Variants in CELSR1 observed in about 807,000 individuals in gnomAD.
CELSR1 encodes adhesion G protein-coupled receptor C1.
CELSR1 carries 110 observed loss-of-function variants against 249.1 expected under a neutral mutation model. That is an observed-to-expected ratio of 0.44 (90% CI 0.38 to 0.52). The LOEUF (loss-of-function observed/expected upper bound fraction) is 0.52, where lower values mean the gene tolerates loss of function less well. Among genes scored for constraint, CELSR1 ranks in the 20% least tolerant of loss-of-function variants. CELSR1 has a pLI of 0.00. For missense variants in CELSR1, 4,109 were observed against 4,296.4 expected, an observed-to-expected ratio of 0.96 and a Z score of 1.22; for synonymous variants, 2,113 against 1,900.0, an observed-to-expected ratio of 1.11 and a Z score of -2.92.
chr22:46,524,096 G>A (rs1352532970), intron 1 of CELSR1, among the ~76,000 whole-genome samples: 1 of 152,236 alleles, frequency 6.6e-6, no homozygotes, highest in African/African-American at 2.4e-5. Flanking sequence ...GGGGACCGAA[G>A]ATGGCTGTCA....
chr22:46,464,554 C>G lies in CELSR1; in HGVS notation c.3545-209G>C, dbSNP rs537639681. Among the ~76,000 whole-genome samples the G allele has an allele frequency of 1.8e-4, 27 of 152,184 alleles. No individual in the cohort carries two copies. The highest frequency in any genetic ancestry group is 3.1e-4 in the Non-Finnish European group (21 of 68,000). On this transcript the variant is annotated intron_variant, in intron 1 of 34. Coordinates refer to ENST00000674500, the MANE Select transcript of CELSR1 (RefSeq NM_001378328.1). This position sits in a 1 kb window ranked among gnomAD's most constrained non-coding sequence, Gnocchi z 8.5. ...GCCCCCCATGACCACCACCTTGACC[C>G]TCCCTCCTCCGGCACCCTAACCCCT...
At position 46,490,906 on chromosome 22, in the gene CELSR1, A is replaced by G. The variant is rs998931432; in HGVS notation, c.3545-26561T>C. The stretch of plus-strand genomic sequence containing the variant: ...CGCTGCTCTACAGACCAGGCCTCAG[A>G]GGATCAGGAGGTCCAGTGACTTGCC... On this transcript the variant is annotated intron_variant, in intron 1 of 34. Transcript: ENST00000674500. This position sits in a 1 kb window ranked among gnomAD's most constrained non-coding sequence, Gnocchi z 5.2. Among the ~76,000 whole-genome samples the G allele has an allele frequency of 2.0e-5, 3 of 152,052 alleles. No homozygotes were observed. Among genetic ancestry groups the G allele is most frequent in the African/African-American group, 7.3e-5 (3 of 41,370 alleles).
chr22:46,470,881 T>C (rs184918576), intron 1 of CELSR1, among the ~76,000 whole-genome samples: 161 of 152,226 alleles, frequency 1.1e-3, no homozygotes, highest in Non-Finnish European at 1.6e-3. Context: ...TCCCAGCACT[T>C]TGGGAGGCCG....
intron 1 of CELSR1, among the ~76,000 whole-genome samples, chr22:46,479,972 T>C (rs1422579222): frequency 6.6e-6 from 1 of 152,220 alleles, no homozygotes; most frequent in South Asian, 2.1e-4. Flanking sequence ...AGGGGCTAAG[T>C]AGGCAATGCT....
chr22:46,536,241 T>C lies in CELSR1; in HGVS notation c.930A>G (p.Val310=). The change falls in exon 1 of 35, where the codon GTA becomes GTG. Residue 310 remains valine, a synonymous_variant. Coordinates refer to ENST00000674500, the MANE Select transcript of CELSR1 (RefSeq NM_001378328.1). Reference sequence around the variant, plus strand: ...GCGTCTCCTTGGTCTCGCGGTCCAGTACGCTGTCCGTGCTCACGGCGCCCG... The same window carrying C: ...GCGTCTCCTTGGTCTCGCGGTCCAGCACGCTGTCCGTGCTCACGGCGCCCG... The part of the protein sequence containing the change: ...SATGAVSTDS[V]LDRETKETHV... The C allele has an allele frequency of 6.2e-7, 1 of 1,612,418 alleles. No individual in the cohort carries two copies. The highest frequency in any genetic ancestry group is 8.5e-7 in the Non-Finnish European group (1 of 1,179,874).
chr22:46,460,777 C>A (rs548532975), intron 2 of CELSR1, among the ~76,000 whole-genome samples: 126 of 152,268 alleles, frequency 8.3e-4, no homozygotes, highest in South Asian at 6.4e-3. Flanking sequence ...ACGCCGTGAG[C>A]GGGTGGCAGC....
chr22:46,509,670 G>A (rs2080552507), intron 1 of CELSR1, among the ~76,000 whole-genome samples: 1 of 152,192 alleles, frequency 6.6e-6, no homozygotes, highest in Non-Finnish European at 1.5e-5. Flanking sequence ...GGGAGACCCT[G>A]CTGTCAGCTC....
rs548018603 is a variant in CELSR1, at chr22:46,398,920, G to A, written c.5413-283C>T. Among the ~76,000 whole-genome samples the A allele has an allele frequency of 2.0e-5, 3 of 152,320 alleles. No individual in the cohort carries two copies. Among genetic ancestry groups the A allele is most frequent in the South Asian group, 2.1e-4 (1 of 4,820 alleles). On this transcript the variant is annotated intron_variant, in intron 10 of 34. Transcript: ENST00000674500. The surrounding 1 kb of genome is among the most constrained non-coding windows in gnomAD (Gnocchi z 7.2). ...TGGGCAACTGTCCCGCCTCCGTCAAGGGCACAACACTAAACCAGCCACGCT... is the reference window on the plus strand; with the variant it reads ...TGGGCAACTGTCCCGCCTCCGTCAAAGGCACAACACTAAACCAGCCACGCT...
chr22:46,519,675 C>T (rs1310953731), intron 1 of CELSR1, among the ~76,000 whole-genome samples: 2 of 152,158 alleles, frequency 1.3e-5, no homozygotes, highest in Non-Finnish European at 2.9e-5. Context: ...GATGCAAGGT[C>T]CCAGAACCTG....
At chr22:46,419,643 A>G (rs1270054675) in intron 5 of CELSR1, among the ~76,000 whole-genome samples, 7 of 151,820 alleles carry the variant, frequency 4.6e-5, no homozygotes, top group Non-Finnish European at 2.9e-5. Flanking sequence ...GGTGGGCTAC[A>G]GTTCCCTCGA....
Position 46,515,906 on chromosome 22 carries a change from G to A in CELSR1, c.3544+17721C>T, listed in dbSNP as rs548872796. Among the ~76,000 whole-genome samples the A allele has an allele frequency of 1.1e-4, 17 of 152,278 alleles. No individual in the cohort carries two copies. In the South Asian group the frequency reaches 3.5e-3, roughly 32 times the overall value. On this transcript the variant is annotated intron_variant, in intron 1 of 34. Coordinates refer to ENST00000674500, the MANE Select transcript of CELSR1 (RefSeq NM_001378328.1). ...GAAATGCAAATCAAAACCACAATGAGATATCATCTCACACCAGTTACAATG... is the reference window on the plus strand; with the variant it reads ...GAAATGCAAATCAAAACCACAATGAAATATCATCTCACACCAGTTACAATG...
At position 46,534,665 on chromosome 22, in the gene CELSR1, G is replaced by A. The variant is rs774322394; in HGVS notation, c.2506C>T (p.Arg836Cys). The A allele has an allele frequency of 6.2e-6, 10 of 1,613,676 alleles. No homozygotes were observed. Among genetic ancestry groups the A allele is most frequent in the African/African-American group, 1.3e-5 (1 of 74,914 alleles). ...YVIQDPVPQFRIDPDSGTMYT... is the reference protein window; with the variant it reads ...YVIQDPVPQFCIDPDSGTMYT... ...ATGGTGCCACTGTCGGGGTCAATGC[G>A]GAACTGCGGCACGGGGTCCTGAATC... Residue 836 changes from arginine (R) to cysteine (C), a missense_variant, in exon 1 of 35, where the codon CGC (arginine) becomes TGC (cysteine). Physicochemically the swap from Arg to Cys is radical, Grantham distance 180. Coordinates refer to ENST00000674500, the MANE Select transcript of CELSR1 (RefSeq NM_001378328.1). This position sits in a 1 kb window ranked among gnomAD's most constrained non-coding sequence, Gnocchi z 9.7.
intron 1 of CELSR1, among the ~76,000 whole-genome samples, chr22:46,485,689 C>T (rs984681506): frequency 5.3e-5 from 8 of 152,216 alleles, no homozygotes; most frequent in African/African-American, 1.4e-4. Flanking sequence ...GTGCTGTCTG[C>T]GCCCATGGGG....
intron 2 of CELSR1, among the ~76,000 whole-genome samples, chr22:46,459,331 G>A (rs767269677): frequency 6.6e-6 from 1 of 152,134 alleles, no homozygotes; most frequent in East Asian, 1.9e-4. Context: ...AAGGAACAGC[G>A]GCCTCCCAGC....
intron 5 of CELSR1, among the ~76,000 whole-genome samples, chr22:46,424,372 C>G (rs956052513): frequency 6.6e-6 from 1 of 152,160 alleles, no homozygotes; most frequent in Non-Finnish European, 1.5e-5. Context: ...AGCCACCACA[C>G]CTGGCCTGAA....
Position 46,427,133 on chromosome 22 carries a change from G to A in CELSR1, c.4611+6260C>T, listed in dbSNP as rs1035438766. On this transcript the variant is annotated intron_variant, in intron 5 of 34. Coordinates refer to ENST00000674500, the MANE Select transcript of CELSR1 (RefSeq NM_001378328.1). This position sits in a 1 kb window ranked among gnomAD's most constrained non-coding sequence, Gnocchi z 4.2. The stretch of plus-strand genomic sequence containing the variant: ...TACACACACACACACCTACACAGAC[G>A]TCTATGTCCTAGCTCTGCCCAGTAA... Among the ~76,000 whole-genome samples, 2 of 152,148 alleles carry A rather than the reference G, an allele frequency of 1.3e-5. No individual in the cohort carries two copies. Among genetic ancestry groups the A allele is most frequent in the Non-Finnish European group, 2.9e-5 (2 of 68,034 alleles).
At chr22:46,443,035 T>C (rs1281072711) in intron 2 of CELSR1, among the ~76,000 whole-genome samples, 2 of 151,814 alleles carry the variant, frequency 1.3e-5, no homozygotes, top group Non-Finnish European at 2.9e-5. Flanking sequence ...GAGGCGGAGC[T>C]TGCAGTGAGC....
intron 12 of CELSR1, 98 bp downstream of exon 12, chr22:46,397,576 T>G: frequency 8.8e-7 from 1 of 1,135,170 alleles, no homozygotes; most frequent in South Asian, 2.3e-5. Context: ...CCACAGGGAG[T>G]TGGCTGGGGA....
At position 46,391,292 on chromosome 22, in the gene CELSR1, G is replaced by A. The variant is rs751547822; in HGVS notation, c.6149-5C>T. On this transcript the variant is annotated splice_polypyrimidine_tract_variant and splice_region_variant and intron_variant, in intron 15 of 34. Transcript: ENST00000674500. The surrounding 1 kb of genome is among the most constrained non-coding windows in gnomAD (Gnocchi z 4.3). ...TGGGACAGCCATTGTAGATCACTGG[G>A]GTAGAGAAGAGAGAAGTCTGCTCAG... 18 of 1,612,852 alleles carry A rather than the reference G, an allele frequency of 1.1e-5. No individual in the cohort carries two copies. The African/African-American group carries it at 2.0e-4, about 18-fold the overall frequency.
Sources: allele counts gnomAD v4.1 joint callset (sites outside exome capture counted in the v4.1 genomes callset), GRCh38; gene constraint gnomAD v4.1.1; non-coding constraint Gnocchi (gnomAD v3.1); transcripts MANE v1.5; gene names NCBI Gene and HGNC (gene_info 2026-07-23, HGNC 2026-07-21).